The following PRKDC variants were observed in gnomAD, a reference collection of about 807,000 sequenced individuals.
PRKDC encodes DNA-dependent protein kinase catalytic subunit.
PRKDC carries 82 observed loss-of-function variants against 486.9 expected under a neutral mutation model. The ratio of observed to expected loss-of-function variants is 0.17; its 90% CI spans 0.14 to 0.20. The LOEUF is 0.20. PRKDC is among the 10% of genes least tolerant of loss of function. PRKDC has a pLI of 1.00. For missense variants in PRKDC, 4,504 were observed against 5,038.2 expected (o/e 0.89, Z 3.21); for synonymous variants, 1,895 against 1,837.0 (o/e 1.03, Z -0.81).
chr8:47,954,913 T>C (rs1320192668), intron 4 of PRKDC, among the ~76,000 whole-genome samples: 2 of 152,130 alleles, frequency 1.3e-5, no homozygotes, highest in African/African-American at 2.4e-5. Context: ...CCTAGCACTT[T>C]GGGAGGCCCA....
rs2089967978 is a variant in PRKDC, at chr8:47,915,317, A to G, written c.2617+11T>C. 1 of 1,465,806 alleles carries G rather than the reference A, an allele frequency of 6.8e-7. No homozygotes were observed. Among genetic ancestry groups the G allele is most frequent in the Non-Finnish European group, 9.3e-7 (1 of 1,072,772 alleles). 90.8% of individuals were successfully genotyped at this position (1,465,806 alleles called of 1,614,324 possible). On this transcript the variant is annotated intron_variant, in intron 23 of 85. Transcript: ENST00000314191. ...TATCTACAGAGGTTATTTATTTTAA[A>G]AGAAGTTTACCTGTCAGAAGATTTT...
At chr8:47,805,568 C>A (rs960315176) in intron 69 of PRKDC, among the ~76,000 whole-genome samples, 1 of 152,186 alleles carries the variant, frequency 6.6e-6, no homozygotes, top group Non-Finnish European at 1.5e-5. Flanking sequence ...GAAATAGTTT[C>A]TCCCATTACA....
intron 73 of PRKDC, among the ~76,000 whole-genome samples, chr8:47,797,192 G>A (rs1285838935): frequency 6.6e-6 from 1 of 152,146 alleles, no homozygotes; most frequent in South Asian, 2.1e-4. Flanking sequence ...GAGGCTACTG[G>A]CTTCACTGCA....
intron 39 of PRKDC, among the ~76,000 whole-genome samples, chr8:47,879,061 G>A (rs8178116): frequency 6.6e-6 from 1 of 152,074 alleles, no homozygotes; most frequent in African/African-American, 2.4e-5. Context: ...TTAGAAACTG[G>A]AAATTATTGG....
At chr8:47,866,224 G>C (rs1446130835) in intron 40 of PRKDC, among the ~76,000 whole-genome samples, 1 of 150,158 alleles carries the variant, frequency 6.7e-6, no homozygotes, top group African/African-American at 2.5e-5. Context: ...GGATGACTCA[G>C]AGAGAAGGTG....
intron 40 of PRKDC, among the ~76,000 whole-genome samples, chr8:47,873,028 A>G (rs1348795654): frequency 1.3e-5 from 2 of 152,304 alleles, no homozygotes; most frequent in East Asian, 3.9e-4. Flanking sequence ...TCAAGGATAG[A>G]GCATATGTTA....
chr8:47,898,442 A>G, intron 29 of PRKDC, 28 bp downstream of exon 29: 1 of 1,509,052 alleles, frequency 6.6e-7, no homozygotes, highest in South Asian at 1.2e-5. Context: ...TTGTGGGAAA[A>G]GACGGAAAAG....
Position 47,834,352 on chromosome 8 carries a change from G to A in PRKDC, c.7996C>T (p.Pro2666Ser), listed in dbSNP as rs1211029973. Reference protein sequence around the residue: ...FDWLTGSSTDPLVDHTSPSSD... With the variant: ...FDWLTGSSTDSLVDHTSPSSD... ...GAGGGACTGGTGTGGTCGACCAGCGGGTCAGTGCTGCTCCCGGTCAGCCAA... is the reference window on the plus strand; with the variant it reads ...GAGGGACTGGTGTGGTCGACCAGCGAGTCAGTGCTGCTCCCGGTCAGCCAA... The change falls in exon 59 of 86, where the codon CCG becomes TCG. Residue 2666 changes from proline (P) to serine (S), a missense_variant. By Grantham distance (74) the Pro-to-Ser change is moderately conservative. Around this residue, in one of 6 missense-constraint regions of PRKDC, gnomAD observed 1,592 missense variants for 1,724.6 expected, o/e 0.92. Transcript: ENST00000314191. 3 of 1,613,804 alleles carry A rather than the reference G, an allele frequency of 1.9e-6. No individual in the cohort carries two copies. In the African/African-American group the frequency reaches 4.0e-5, roughly 22 times the overall value.
intron 28 of PRKDC, among the ~76,000 whole-genome samples, chr8:47,899,306 G>C (rs974437868): frequency 6.6e-5 from 10 of 152,300 alleles, no homozygotes; most frequent in Admixed American, 2.0e-4. Flanking sequence ...GCCCACAGTA[G>C]ACTATCAACA....
intron 1 of PRKDC, among the ~76,000 whole-genome samples, chr8:47,958,602 A>G (rs777813010): frequency 1.3e-5 from 2 of 152,266 alleles, no homozygotes; most frequent in Non-Finnish European, 2.9e-5. Flanking sequence ...TAAACGAACA[A>G]AAATGAATTC....
At position 47,904,883 on chromosome 8, in the gene PRKDC, G is replaced by A. The variant is rs2089746526; in HGVS notation, c.3028C>T (p.Leu1010=). Reference sequence around the variant, plus strand: ...CTATTACTTACCAATATAGCTTCTAGTAAGGCAACAGTATCCTGACTTTCA... The same window carrying A: ...CTATTACTTACCAATATAGCTTCTAATAAGGCAACAGTATCCTGACTTTCA... ...KFESQDTVAL[L]EAILDGIVDP... Residue 1010 remains leucine, a synonymous_variant, in exon 26 of 86, where the codon CTA becomes TTA. Transcript: ENST00000314191. 1 of 1,604,542 alleles carries A rather than the reference G, an allele frequency of 6.2e-7. No individual in the cohort carries two copies. Among genetic ancestry groups the A allele is most frequent in the Non-Finnish European group, 8.5e-7 (1 of 1,172,134 alleles).
intron 60 of PRKDC, 142 bp from the exon 61 acceptor site, chr8:47,830,878 TAC>T: frequency 1.0e-6 from 1 of 970,000 alleles, no homozygotes. Context: ...TCAGTCGCCG[TAC>T]TTTACCGTCT....
chr8:47,934,319 C>G (rs1436518962), intron 14 of PRKDC, among the ~76,000 whole-genome samples: 1 of 152,196 alleles, frequency 6.6e-6, no homozygotes, highest in South Asian at 2.1e-4. Context: ...GGGCGGATCA[C>G]CTGAGGTCAA....
chr8:47,860,667 C>G (rs529979938), intron 45 of PRKDC, among the ~76,000 whole-genome samples: 2 of 152,348 alleles, frequency 1.3e-5, no homozygotes, highest in East Asian at 3.9e-4. Flanking sequence ...CCCCGTCTGG[C>G]CACTCTGAGA....
chr8:47,820,782 G>A lies in PRKDC; in HGVS notation c.9273C>T (p.Leu3091=), dbSNP rs2087574583. The change falls in exon 66 of 86, where the codon CTC becomes CTT. Residue 3091 remains leucine, a synonymous_variant. Coordinates refer to ENST00000314191, the MANE Select transcript of PRKDC (RefSeq NM_006904.7). ...HYSQELSLLY[L]LQDDVDRAKY... ...TGGCTCTGTCAACATCATCTTGCAG[G>A]AGGTAAAGCAGACTCAGCTCTTGAC... 6.2e-7 allele frequency: 1 copy of A among 1,610,376 alleles called. No homozygotes were observed. The highest frequency in any genetic ancestry group is 1.3e-5 in the African/African-American group (1 of 74,812).
chr8:47,785,750 A>G (rs2086780444), intron 76 of PRKDC, among the ~76,000 whole-genome samples: 1 of 151,432 alleles, frequency 6.6e-6, no homozygotes, highest in African/African-American at 2.4e-5. Flanking sequence ...AAAAAAAAAA[A>G]TTATAGTTTT....
chr8:47,836,585 T>A, intron 57 of PRKDC, 58 bp from the exon 58 acceptor site: 1 of 1,385,052 alleles, frequency 7.2e-7, no homozygotes, highest in Non-Finnish European at 1.0e-6. Context: ...TGCTCCTTTT[T>A]TAGGAACACT....
At chr8:47,862,347 T>C (rs2088697189) in intron 43 of PRKDC, 26 bp downstream of exon 43, 10 of 1,595,830 alleles carry the variant, frequency 6.3e-6, no homozygotes, top group East Asian at 2.2e-5. Flanking sequence ...ACAATAACAA[T>C]AGTGCACACC....
In PRKDC at chr8:47,912,397, T is replaced by C. The variant is rs1417315880; in HGVS notation, c.2934+13A>G. ...TAGAAATTTTACAACTATTTCAGATTCAAAGCCCTTACCTGATCAACATCA... is the reference window on the plus strand; with the variant it reads ...TAGAAATTTTACAACTATTTCAGATCCAAAGCCCTTACCTGATCAACATCA... On this transcript the variant is annotated intron_variant, in intron 25 of 85. Transcript: ENST00000314191. The C allele has an allele frequency of 6.6e-7, 1 of 1,509,880 alleles. No individual in the cohort carries two copies. Among genetic ancestry groups the C allele is most frequent in the African/African-American group, 1.4e-5 (1 of 71,020 alleles). 93.5% of individuals were successfully genotyped at this position (1,509,880 alleles called of 1,614,324 possible).
Sources: allele counts gnomAD v4.1 joint callset (sites outside exome capture counted in the v4.1 genomes callset), GRCh38; gene constraint gnomAD v4.1.1; regional missense constraint gnomAD v4.1.1; transcripts MANE v1.5; gene names NCBI Gene and HGNC (gene_info 2026-07-23, HGNC 2026-07-21).